Variants in KDM6A observed in about 807,000 individuals in gnomAD.
KDM6A encodes the protein lysine demethylase 6A, also known as lysine-specific demethylase 6A.
In KDM6A, 11 loss-of-function variants were observed where a neutral mutation model predicts 117.6. That is an observed-to-expected ratio of 0.09 (90% CI 0.06 to 0.15). KDM6A has a LOEUF of 0.15. Ranked by LOEUF, KDM6A falls within the 10% of genes least tolerant of loss-of-function variation. The pLI is 1.00. For missense variants in KDM6A, 799 were observed against 1,077.3 expected (o/e 0.74, Z 3.62); for synonymous variants, 384 against 396.1 (o/e 0.97, Z 0.36).
At chrX:45,009,248 T>C (rs1346627553) in intron 4 of KDM6A, among the ~76,000 whole-genome samples, 1 of 112,519 alleles carries the variant, frequency 8.9e-6, no homozygotes, top group Non-Finnish European at 1.9e-5. Context: ...TTCATTAGTT[T>C]TCCAGGAAAG....
At chrX:45,040,790 C>A (rs1378407641) in intron 8 of KDM6A, among the ~76,000 whole-genome samples, 5 of 79,634 alleles carry the variant, frequency 6.3e-5, no homozygotes, top group Admixed American at 4.9e-4. Context: ...CCCAACCTCC[C>A]TCCCGGACGG....
rs1042753597 is a variant in KDM6A at position 44,886,295 on chromosome X, G to A, written c.225+12308G>A. ...GAACCCCTGACCTTGTGATCCGCCC[G>A]CCTTGGCCCCCCAAAGTGCTGGGAT... is the stretch of plus-strand genomic sequence containing the variant. On this transcript the variant is annotated intron_variant, in intron 2 of 29. Coordinates refer to ENST00000611820, the MANE Select transcript of KDM6A (RefSeq NM_001291415.2). 1.1e-4 allele frequency among the ~76,000 whole-genome samples: 12 copies of A among 110,401 alleles called. No individual in the cohort carries two copies. In the East Asian group the frequency reaches 2.9e-3, roughly 27 times the overall value.
At chrX:44,963,481 G>GTCTGTCTGTCTGTCTGTC (rs1397494939) in intron 3 of KDM6A, among the ~76,000 whole-genome samples, 1 of 37,314 alleles carries the variant, frequency 2.7e-5, no homozygotes, top group African/African-American at 6.2e-5. Context: ...GTGTGTGTGT[G>GTCTGTCTGTCTGTCTGTC]TGTGTCTGTC....
chrX:44,952,635 C>T (rs1312738729), intron 2 of KDM6A, among the ~76,000 whole-genome samples: 1 of 111,980 alleles, frequency 8.9e-6, no homozygotes, highest in Non-Finnish European at 1.9e-5. Context: ...GAGAGACAGA[C>T]AGGGTAGAGT....
At chrX:45,071,948 A>G (rs2044868034) in intron 18 of KDM6A, among the ~76,000 whole-genome samples, 1 of 110,220 alleles carries the variant, frequency 9.1e-6, no homozygotes, top group Non-Finnish European at 1.9e-5. Flanking sequence ...CTAATTTTGT[A>G]TTTTTTAGTA....
chrX:44,966,875 T>TTA (rs1183290634), intron 3 of KDM6A, among the ~76,000 whole-genome samples: 1 of 102,866 alleles, frequency 9.7e-6, no homozygotes, highest in African/African-American at 3.6e-5. Flanking sequence ...CTCTCTTTTT[T>TTA]TTTTTTTTTT....
At position 45,051,813 on chromosome X, in the gene KDM6A, G is replaced by A. The variant is rs748282917; in HGVS notation, c.748+11G>A. ...TCTTACAACAGTTAGGTATGTAATA[G>A]TATACATTTAGTGTATTATAAGTGC... On this transcript the variant is annotated intron_variant, in intron 9 of 29. Coordinates refer to ENST00000611820, the MANE Select transcript of KDM6A (RefSeq NM_001291415.2). 8 of 992,787 alleles carry A rather than the reference G, an allele frequency of 8.1e-6. No homozygotes were observed. The highest frequency in any genetic ancestry group is 1.1e-5 in the Non-Finnish European group (8 of 702,350). 81.8% of individuals were successfully genotyped at this position (992,787 alleles called of 1,213,427 possible). A position where few individuals can be genotyped will look rare whatever the true frequency, so the allele number is the denominator to read the frequency against.
At chrX:45,065,785 A>C (rs1164403878) in intron 17 of KDM6A, among the ~76,000 whole-genome samples, 1 of 112,326 alleles carries the variant, frequency 8.9e-6, no homozygotes, top group Non-Finnish European at 1.9e-5. Context: ...AGGCTAGGAA[A>C]TTGAAGAACT....
At chrX:44,954,040 A>T (rs1467675150) in intron 2 of KDM6A, among the ~76,000 whole-genome samples, 1 of 105,046 alleles carries the variant, frequency 9.5e-6, no homozygotes, top group East Asian at 3.1e-4. Flanking sequence ...CCTGGGTGAC[A>T]GAGTGAGACC....
chrX:44,932,084 C>CTTTTTT (rs796121677), intron 2 of KDM6A, among the ~76,000 whole-genome samples: 496 of 17,108 alleles, frequency 0.029, 68 homozygotes, highest in Non-Finnish European at 0.032. Flanking sequence ...TCTAGGTAGC[C>CTTTTTT]TTTTTTTTTT....
chrX:44,932,316 G>A (rs2036682019), intron 2 of KDM6A, among the ~76,000 whole-genome samples: 1 of 107,904 alleles, frequency 9.3e-6, no homozygotes, highest in African/African-American at 3.4e-5. Context: ...TCACCATGTT[G>A]GCCAGGCCGG....
intron 21 of KDM6A, 150 bp downstream of exon 21, chrX:45,079,501 A>ATATGTATGTATGTATG (rs72270582): frequency 2.3e-6 from 1 of 428,835 alleles, no homozygotes; most frequent in Non-Finnish European, 4.1e-6. Flanking sequence ...TCGTATGTAT[A>ATATGTATGTATGTATG]TATGTATGTA....
At position 45,025,363 on chromosome X, in the gene KDM6A, A is replaced by G. The variant is rs990411314; in HGVS notation, c.564+4633A>G. The stretch of plus-strand genomic sequence containing the variant: ...TTTTTAGTAGAGACGGGGTTTCACC[A>G]TATTGGTCAGGCTGGTCTCGAACTT... On this transcript the variant is annotated intron_variant, in intron 6 of 29. Coordinates refer to ENST00000611820, the MANE Select transcript of KDM6A (RefSeq NM_001291415.2). Among the ~76,000 whole-genome samples the G allele has an allele frequency of 3.6e-5, 4 of 111,778 alleles. No individual in the cohort carries two copies. The South Asian group carries it at 1.5e-3, about 42-fold the overall frequency.
At chrX:45,020,281 C>A (rs1324364078) in intron 5 of KDM6A, among the ~76,000 whole-genome samples, 1 of 111,300 alleles carries the variant, frequency 9.0e-6, no homozygotes, top group African/African-American at 3.3e-5. Flanking sequence ...CCCTGTTTTC[C>A]TCTAGGAAAT....
chrX:44,996,385 C>T (rs1282439611), intron 4 of KDM6A, among the ~76,000 whole-genome samples: 1 of 109,338 alleles, frequency 9.1e-6, no homozygotes, highest in Non-Finnish European at 1.9e-5. Flanking sequence ...TTTCATGATT[C>T]TCATAACTAG....
intron 2 of KDM6A, among the ~76,000 whole-genome samples, chrX:44,933,152 C>T (rs1315151505): frequency 9.1e-6 from 1 of 109,669 alleles, no homozygotes; most frequent in Non-Finnish European, 1.9e-5. Context: ...TCCCAAAGTG[C>T]TGGGATTACA....
intron 10 of KDM6A, among the ~76,000 whole-genome samples, chrX:45,056,910 A>G (rs1180079934): frequency 8.9e-6 from 1 of 111,797 alleles, no homozygotes; most frequent in East Asian, 2.8e-4. Flanking sequence ...CATGTTTTCT[A>G]CTATCTGTTA....
intron 2 of KDM6A, among the ~76,000 whole-genome samples, chrX:44,938,518 A>G (rs2037107696): frequency 1.8e-5 from 2 of 112,247 alleles, no homozygotes; most frequent in African/African-American, 6.5e-5. Flanking sequence ...ATGAGGTTTA[A>G]CGAAAGAATC....
chrX:45,039,310 T>A (rs1331502271), intron 8 of KDM6A, among the ~76,000 whole-genome samples: 2 of 109,550 alleles, frequency 1.8e-5, no homozygotes, highest in African/African-American at 6.7e-5. Context: ...GAAGCAGAAG[T>A]TTTTTTAACC....
Sources: gnomAD v4.1 joint callset for allele counts (sites outside exome capture counted in the v4.1 genomes callset) on GRCh38, gnomAD v4.1.1 for gene constraint, MANE v1.5 for transcripts, NCBI Gene and HGNC (gene_info 2026-07-23, HGNC 2026-07-21) for gene names.